The following PICALM variants were observed in gnomAD, a reference collection of about 807,000 sequenced individuals.
PICALM encodes the protein phosphatidylinositol-binding clathrin assembly protein.
In PICALM, 40 loss-of-function variants were observed where a neutral mutation model predicts 80.5. The observed-to-expected ratio is 0.50, with a 90% CI of 0.39 to 0.65. The LOEUF (loss-of-function observed/expected upper bound fraction) is 0.65, where lower values mean the gene tolerates loss of function less well. Ranked by LOEUF, PICALM falls within the 30% of genes least tolerant of loss-of-function variation. PICALM has a pLI of 0.00. For missense variants in PICALM, 676 were observed against 778.9 expected (o/e 0.87, Z 1.57); for synonymous variants, 288 against 260.3 (o/e 1.11, Z -1.02).
rs1032764447 is a variant in PICALM at position 86,007,560 on chromosome 11, A to G, written c.789T>C (p.Asp263=). ...AACTTACCTGTGAAAGGTCTGGTAT[A>G]TCACCTCTGTCAATTCCAACTTGCT... ...VAEQVGIDRG[D]IPDLSQAPSS... Residue 263 remains aspartate (D), a synonymous_variant, in exon 8 of 20, where the codon GAT becomes GAC. Transcript: ENST00000393346. 4.7e-6 allele frequency: 7 copies of G among 1,503,800 alleles called. No individual in the cohort carries two copies. The Admixed American group carries it at 5.2e-5, about 11-fold the overall frequency. 93.2% of individuals were successfully genotyped at this position (1,503,800 alleles called of 1,614,324 possible).
chr11:85,981,003 AT>A, intron 17 of PICALM, 125 bp downstream of exon 17: 1 of 573,882 alleles, frequency 1.7e-6, no homozygotes, highest in Non-Finnish European at 3.1e-6. Context: ...AAGAAATACA[AT>A]TACTTATACT....
At chr11:85,970,184 C>T (rs2094053014) in intron 19 of PICALM, among the ~76,000 whole-genome samples, 1 of 152,080 alleles carries the variant, frequency 6.6e-6, no homozygotes, top group Admixed American at 6.5e-5. Context: ...AAAGCCCTTG[C>T]TAGACTGGAT....
At chr11:86,009,462 C>A (rs909050192) in intron 7 of PICALM, among the ~76,000 whole-genome samples, 9 of 151,922 alleles carry the variant, frequency 5.9e-5, no homozygotes, top group Non-Finnish European at 1.2e-4. Flanking sequence ...GAGGCCCAGG[C>A]GGGCAGATCA....
At chr11:86,036,654 T>C (rs1187647199) in intron 1 of PICALM, among the ~76,000 whole-genome samples, 2 of 152,138 alleles carry the variant, frequency 1.3e-5, no homozygotes, top group Non-Finnish European at 2.9e-5. Context: ...AGTGAAGAGT[T>C]AATCAAATGA....
At chr11:85,980,004 C>T (rs560737337) in intron 17 of PICALM, among the ~76,000 whole-genome samples, 1 of 152,306 alleles carries the variant, frequency 6.6e-6, no homozygotes, top group African/African-American at 2.4e-5. Context: ...TTACTAGATG[C>T]TAATTATTTA....
At chr11:85,997,611 C>G (rs568830653) in intron 11 of PICALM, among the ~76,000 whole-genome samples, 5 of 152,050 alleles carry the variant, frequency 3.3e-5, no homozygotes, top group Non-Finnish European at 7.4e-5. Context: ...GCTGGGACTA[C>G]AGGTGCGCAG....
intron 3 of PICALM, among the ~76,000 whole-genome samples, chr11:86,025,445 C>A (rs2095635235): frequency 6.6e-6 from 1 of 152,090 alleles, no homozygotes; most frequent in Non-Finnish European, 1.5e-5. Context: ...AGGAACAATT[C>A]ATCTCAACAA....
chr11:85,976,098 T>C (rs1398850607), intron 18 of PICALM, among the ~76,000 whole-genome samples: 1 of 150,068 alleles, frequency 6.7e-6, no homozygotes, highest in Non-Finnish European at 1.5e-5. Flanking sequence ...GCACCATTTC[T>C]TTTCTAATTG....
intron 9 of PICALM, among the ~76,000 whole-genome samples, chr11:86,002,371 C>A (rs2095167705): frequency 6.6e-6 from 1 of 152,120 alleles, no homozygotes; most frequent in Non-Finnish European, 1.5e-5. Flanking sequence ...AAGGAAGGTT[C>A]TCACTATACA....
intron 12 of PICALM, among the ~76,000 whole-genome samples, chr11:85,996,417 T>C (rs2094962457): frequency 6.6e-6 from 1 of 151,884 alleles, no homozygotes; most frequent in African/African-American, 2.4e-5. Flanking sequence ...ACCATCTGAG[T>C]TTTATTAGAA....
chr11:85,978,077 G>C (rs766169180), intron 17 of PICALM: 10 of 1,612,802 alleles, frequency 6.2e-6, no homozygotes, highest in Non-Finnish European at 8.5e-6. Context: ...TACGTATTGT[G>C]GAAAATGCAT....
chr11:86,053,208 G>A (rs2096218199), intron 1 of PICALM, among the ~76,000 whole-genome samples: 1 of 152,186 alleles, frequency 6.6e-6, no homozygotes. Context: ...CATAAGCAGG[G>A]AACTGCACCT....
intron 14 of PICALM, 123 bp downstream of exon 14, chr11:85,983,743 G>A (rs1196904460): frequency 2.0e-6 from 1 of 496,772 alleles, no homozygotes; most frequent in Admixed American, 3.8e-5. Context: ...TGGGGGGATG[G>A]GACAATTTCT....
chr11:86,068,724 G>T lies in PICALM; in HGVS notation c.57C>A (p.Gly19=). The stretch of plus-strand genomic sequence containing the variant: ...TGCATACTGTCTTGGATACGGCAGA[G>T]CCGGTGACACTGTGCTGGGCGGCAG... ...RITAAQHSVT[G]SAVSKTVCKA... Residue 19 remains glycine (G), a synonymous_variant, in exon 1 of 20, where the codon GGC becomes GGA. Transcript: ENST00000393346. 6.2e-7 allele frequency: 1 copy of T among 1,613,186 alleles called. No homozygotes were observed. Among genetic ancestry groups the T allele is most frequent in the Non-Finnish European group, 8.5e-7 (1 of 1,179,802 alleles).
chr11:86,041,414 A>G (rs575446393), intron 1 of PICALM, among the ~76,000 whole-genome samples: 3 of 152,140 alleles, frequency 2.0e-5, no homozygotes, highest in Non-Finnish European at 4.4e-5. Flanking sequence ...ACCTCAATAA[A>G]AAGCCTCTAC....
chr11:86,042,014 T>C (rs1325060343), intron 1 of PICALM, among the ~76,000 whole-genome samples: 1 of 152,192 alleles, frequency 6.6e-6, no homozygotes, highest in African/African-American at 2.4e-5. Context: ...CTTCTTAATA[T>C]AAGAAAGTGT....
intron 4 of PICALM, 110 bp from the exon 5 acceptor site, chr11:86,015,073 G>A (rs2095458766): frequency 1.5e-6 from 1 of 646,342 alleles, no homozygotes; most frequent in Middle Eastern, 2.5e-4. Flanking sequence ...GCTATGAAAT[G>A]TCACATATTT....
intron 4 of PICALM, among the ~76,000 whole-genome samples, chr11:86,015,730 T>C (rs2095471226): frequency 1.3e-5 from 2 of 152,170 alleles, no homozygotes. Context: ...ATTCAGAGAT[T>C]GCCCTATCAT....
rs1465729532 is a variant in PICALM at position 86,042,062 on chromosome 11, GC to G, written c.131-10452del. Among the ~76,000 whole-genome samples, 5 of 152,210 alleles carry G rather than the reference GC, an allele frequency of 3.3e-5. No individual in the cohort carries two copies. In the South Asian group the frequency reaches 1.0e-3, roughly 32 times the overall value. ...TTCCGTTGGCATTCTGGTAAACTCT[GC>G]ATTCCTACCACTAGATGGCAGACTG... On this transcript the variant is annotated intron_variant, in intron 1 of 19. Coordinates refer to ENST00000393346, the MANE Select transcript of PICALM (RefSeq NM_007166.4).
Sources: allele counts gnomAD v4.1 joint callset (sites outside exome capture counted in the v4.1 genomes callset), GRCh38; gene constraint gnomAD v4.1.1; transcripts MANE v1.5; gene names NCBI Gene and HGNC (gene_info 2026-07-23, HGNC 2026-07-21).